OGDH: variants seen among roughly 807,000 people sequenced by gnomAD.
OGDH encodes oxoglutarate dehydrogenase, also known as 2-oxoglutarate dehydrogenase complex component E1.
A neutral mutation model predicts 116.6 loss-of-function variants in OGDH; 38 were observed. That is an observed-to-expected ratio of 0.33 (90% confidence interval 0.25 to 0.43). The LOEUF is 0.43. Ranked by LOEUF, OGDH falls within the 20% of genes least tolerant of loss-of-function variation. The pLI is 1.00. For synonymous variants in OGDH, 488 were observed against 533.3 expected, an observed-to-expected ratio of 0.92 and a Z score of 1.17; for missense variants, 825 against 1,357.2, an observed-to-expected ratio of 0.61 and a Z score of 6.16.
chr7:44,626,338 C>CCCCT (rs1562619966), intron 2 of OGDH, among the ~76,000 whole-genome samples: 1 of 35,196 alleles, frequency 2.8e-5, no homozygotes, highest in Non-Finnish European at 6.4e-5. Context: ...CACACCCCTA[C>CCCCT]ACACACACAC....
rs200879997 is a variant in OGDH, at chr7:44,629,923, G to A, written c.222+5358G>A. ...GGTTTTTTCTTCTTGCACTTTTCAC[G>A]TGTCAGCTCCTAAAGTGTGTACATG... On this transcript the variant is annotated intron_variant, in intron 2 of 22. Coordinates refer to ENST00000222673, the MANE Select transcript of OGDH (RefSeq NM_002541.4). Among the ~76,000 whole-genome samples the A allele has an allele frequency of 5.3e-5, 8 of 152,194 alleles. No individual in the cohort carries two copies. In the East Asian group the frequency reaches 7.7e-4, roughly 15 times the overall value.
At chr7:44,644,621 C>T (rs1786088951) in intron 2 of OGDH, among the ~76,000 whole-genome samples, 1 of 152,200 alleles carries the variant, frequency 6.6e-6, no homozygotes, top group Non-Finnish European at 1.5e-5. Context: ...ATTTTGATCC[C>T]TGACACAGAG....
Position 44,696,633 on chromosome 7 carries a change from T to C in OGDH, c.1900+76T>C, listed in dbSNP as rs941423716. On this transcript the variant is annotated intron_variant, in intron 14 of 22. Coordinates refer to ENST00000222673, the MANE Select transcript of OGDH (RefSeq NM_002541.4). ...CGACGACTGTCTAGGACTGTGACCT[T>C]GGCCCCCACCCATCATGTGTCCTAC... The C allele has an allele frequency of 1.9e-6, 3 of 1,579,988 alleles. No individual in the cohort carries two copies. The African/African-American group carries it at 4.1e-5, about 21-fold the overall frequency.
At chr7:44,663,037 G>T (rs1787017939) in intron 4 of OGDH, among the ~76,000 whole-genome samples, 1 of 152,022 alleles carries the variant, frequency 6.6e-6, no homozygotes, top group Non-Finnish European at 1.5e-5. Context: ...TTTATTTTCT[G>T]CTTCTTTGAT....
chr7:44,635,606 A>G (rs1321081875), intron 2 of OGDH, among the ~76,000 whole-genome samples: 1 of 152,150 alleles, frequency 6.6e-6, no homozygotes, highest in Non-Finnish European at 1.5e-5. Context: ...ATCAGTCCAG[A>G]GCCACCCGTA....
chr7:44,628,304 C>G (rs1785286934), intron 2 of OGDH, among the ~76,000 whole-genome samples: 1 of 152,092 alleles, frequency 6.6e-6, no homozygotes, highest in Admixed American at 6.5e-5. Context: ...TTTTCTCAGT[C>G]CATGTTTAAA....
intron 4 of OGDH, among the ~76,000 whole-genome samples, chr7:44,657,754 A>G (rs1786757495): frequency 6.6e-6 from 1 of 152,148 alleles, no homozygotes; most frequent in African/African-American, 2.4e-5. Context: ...TAAAGGTTTT[A>G]TAGTTTTGTG....
intron 9 of OGDH, among the ~76,000 whole-genome samples, chr7:44,677,411 G>T (rs951150206): frequency 3.3e-5 from 5 of 152,186 alleles, no homozygotes; most frequent in African/African-American, 1.2e-4. Flanking sequence ...GCAGGTAGTT[G>T]TCATTTTATT....
intron 10 of OGDH, among the ~76,000 whole-genome samples, chr7:44,693,389 T>G (rs1788448083): frequency 6.6e-6 from 1 of 151,872 alleles, no homozygotes; most frequent in African/African-American, 2.4e-5. Flanking sequence ...GGAGGATTAC[T>G]TAGGCCCAGG....
chr7:44,681,350 C>T (rs1787921235), intron 9 of OGDH, among the ~76,000 whole-genome samples: 1 of 152,148 alleles, frequency 6.6e-6, no homozygotes, highest in Admixed American at 6.5e-5. Flanking sequence ...TTGGAGGAGC[C>T]AAAGAGACCT....
chr7:44,629,580 C>T (rs2268304), intron 2 of OGDH, among the ~76,000 whole-genome samples: 18,040 of 59,786 alleles, frequency 0.3, 2,542 homozygotes, highest in East Asian at 0.58. Flanking sequence ...TTTTTCTTTT[C>T]TTTTTTTTTT....
At chr7:44,695,712 A>T (rs933036254) in intron 12 of OGDH, among the ~76,000 whole-genome samples, 5 of 152,128 alleles carry the variant, frequency 3.3e-5, no homozygotes, top group Non-Finnish European at 5.9e-5. Context: ...AAAAAAAAAA[A>T]AAAAAAGTGG....
intron 4 of OGDH, among the ~76,000 whole-genome samples, chr7:44,651,412 A>G (rs899353874): frequency 6.6e-6 from 1 of 152,234 alleles, no homozygotes; most frequent in Non-Finnish European, 1.5e-5. Context: ...CTGTACAGAC[A>G]CAGAACTCCA....
intron 2 of OGDH, among the ~76,000 whole-genome samples, chr7:44,636,212 G>A (rs1785663527): frequency 6.6e-6 from 1 of 152,232 alleles, no homozygotes. Flanking sequence ...CTGGGGGGCT[G>A]TAGAGCACCA....
intron 2 of OGDH, among the ~76,000 whole-genome samples, chr7:44,634,771 C>G (rs1785590819): frequency 6.6e-6 from 1 of 152,162 alleles, no homozygotes; most frequent in Non-Finnish European, 1.5e-5. Flanking sequence ...GGTACTCTGG[C>G]CTGGGCAAGG....
intron 4 of OGDH, among the ~76,000 whole-genome samples, chr7:44,665,152 G>A (rs1585318079): frequency 6.6e-6 from 1 of 152,066 alleles, no homozygotes; most frequent in Non-Finnish European, 1.5e-5. Flanking sequence ...CAAAAGCCAG[G>A]CCATAAATGG....
At chr7:44,706,745 C>T (rs543821174) in intron 20 of OGDH, among the ~76,000 whole-genome samples, 14 of 151,612 alleles carry the variant, frequency 9.2e-5, no homozygotes, top group East Asian at 7.8e-4. Context: ...CTCAGCCTCC[C>T]GAGTAGCTGG....
chr7:44,665,649 A>G (rs1362049489), intron 4 of OGDH, among the ~76,000 whole-genome samples: 1 of 152,192 alleles, frequency 6.6e-6, no homozygotes, highest in Non-Finnish European at 1.5e-5. Context: ...CCAGGAAACA[A>G]TAAGAACATT....
rs767918814 is a variant in OGDH, at chr7:44,693,960, G to A, written c.1471G>A (p.Ala491Thr). The change falls in exon 11 of 23, where the codon GCC (alanine) becomes ACC (threonine). Residue 491 changes from alanine to threonine, a missense_variant. By Grantham distance (58) the Ala-to-Thr change is moderately conservative. Transcript: ENST00000222673. ...EAVMYVCKVA[A>T]EWRSTFHKDV... ...TGTCATGTACGTGTGCAAAGTGGCG[G>A]CCGAGTGGAGGAGCACCTTCCACAA... The A allele has an allele frequency of 2.5e-6, 4 of 1,614,004 alleles. No homozygotes were observed. The Admixed American group carries it at 6.7e-5, about 27-fold the overall frequency.
Sources: gnomAD v4.1 joint callset for allele counts (sites outside exome capture counted in the v4.1 genomes callset) on GRCh38, gnomAD v4.1.1 for gene constraint, MANE v1.5 for transcripts, NCBI Gene and HGNC (gene_info 2026-07-23, HGNC 2026-07-21) for gene names.